Variants in SMYD3 observed in about 807,000 individuals in gnomAD.
SMYD3 encodes the protein SET and MYND domain containing 3, also known as histone-lysine N-methyltransferase SMYD3.
SMYD3 carries 36 observed loss-of-function variants against 57.7 expected under a neutral mutation model. That is an observed-to-expected ratio of 0.62 (90% CI 0.48 to 0.82). The LOEUF (loss-of-function observed/expected upper bound fraction) is 0.82, where lower values mean the gene tolerates loss of function less well. Ranked by LOEUF, SMYD3 falls within the 40% of genes least tolerant of loss-of-function variation. The pLI, the probability that SMYD3 is intolerant of heterozygous loss-of-function variation, is 0.00. For missense variants in SMYD3, 515 were observed against 538.8 expected (o/e 0.96, Z 0.44); for synonymous variants, 211 against 195.0 (o/e 1.08, Z -0.68).
intron 5 of SMYD3, among the ~76,000 whole-genome samples, chr1:246,158,616 T>C (rs2062062804): frequency 6.6e-6 from 1 of 152,180 alleles, no homozygotes; most frequent in African/African-American, 2.4e-5. Context: ...AGAAGGTGCT[T>C]AGAATTCCTA....
chr1:246,390,849 GCAA>G (rs373260000), intron 1 of SMYD3, among the ~76,000 whole-genome samples: 12 of 151,894 alleles, frequency 7.9e-5, no homozygotes, highest in Admixed American at 2.0e-4. Context: ...CAGCACTAGA[GCAA>G]CAACAACAAC....
At chr1:246,135,226 G>A (rs2061649447) in intron 5 of SMYD3, among the ~76,000 whole-genome samples, 1 of 152,070 alleles carries the variant, frequency 6.6e-6, no homozygotes, top group African/African-American at 2.4e-5. Context: ...ACTCCTCTGT[G>A]AATGGTTTAG....
chr1:246,314,043 A>G (rs1480225370), intron 5 of SMYD3, among the ~76,000 whole-genome samples: 1 of 152,216 alleles, frequency 6.6e-6, no homozygotes, highest in Non-Finnish European at 1.5e-5. Context: ...AGTTGTGGCA[A>G]CATCAGCACA....
At position 246,249,523 on chromosome 1, in the gene SMYD3, T is replaced by G. The variant is rs563844631; in HGVS notation, c.531+77678A>C. On this transcript the variant is annotated intron_variant, in intron 5 of 11. Coordinates refer to ENST00000490107, the MANE Select transcript of SMYD3 (RefSeq NM_001167740.2). ...CCAGTATGGATCCTAGTTTTTTGTT[T>G]TTTTTGTATTTTTTTTTGTAATTTC... Among the ~76,000 whole-genome samples, 274 of 136,506 alleles carry G rather than the reference T, an allele frequency of 2.0e-3. 1 individual carries two copies. The highest frequency in any genetic ancestry group is 6.6e-3 in the African/African-American group (261 of 39,262). The allele number at this position is 136,506 out of a possible 152,430, so 89.6% of individuals were successfully genotyped here. A position where few individuals can be genotyped will look rare whatever the true frequency, so the allele number is the denominator to read the frequency against.
intron 1 of SMYD3, among the ~76,000 whole-genome samples, chr1:246,413,235 T>C (rs953623732): frequency 1.3e-5 from 2 of 152,130 alleles, no homozygotes; most frequent in African/African-American, 2.4e-5. Context: ...AATGAGAAAA[T>C]TGGGCACAGA....
intron 5 of SMYD3, among the ~76,000 whole-genome samples, chr1:245,992,524 G>A (rs534903481): frequency 9.2e-4 from 139 of 151,892 alleles, no homozygotes; most frequent in African/African-American, 3.1e-3. Flanking sequence ...GCCATGGATC[G>A]GCCACTTCTA....
At chr1:246,080,266 G>T (rs12064108) in intron 5 of SMYD3, among the ~76,000 whole-genome samples, 179 of 130,268 alleles carry the variant, frequency 1.4e-3, no homozygotes, top group African/African-American at 2.7e-3. Context: ...GGAGCTCAGA[G>T]CAGTGGCAGC....
chr1:246,479,661 C>G (rs894092319), intron 1 of SMYD3, among the ~76,000 whole-genome samples: 2 of 151,976 alleles, frequency 1.3e-5, no homozygotes, highest in South Asian at 4.2e-4. Context: ...GTGTGTGCCA[C>G]CACACTCAGC....
intron 8 of SMYD3, among the ~76,000 whole-genome samples, chr1:245,873,110 C>T (rs1391227747): frequency 6.6e-6 from 1 of 152,194 alleles, no homozygotes; most frequent in Non-Finnish European, 1.5e-5. Context: ...AAAAATGAGC[C>T]TTCTGTAGAA....
intron 2 of SMYD3, among the ~76,000 whole-genome samples, chr1:246,337,587 C>T (rs1328406842): frequency 2.6e-5 from 4 of 152,082 alleles, no homozygotes; most frequent in African/African-American, 7.2e-5. Context: ...ATGGACAGAG[C>T]GTGTAGGCAG....
At chr1:246,098,289 C>A (rs985961234) in intron 5 of SMYD3, among the ~76,000 whole-genome samples, 13 of 152,102 alleles carry the variant, frequency 8.5e-5, no homozygotes, top group African/African-American at 3.1e-4. Context: ...ATATTCGGTC[C>A]CTGTCAATCT....
intron 5 of SMYD3, among the ~76,000 whole-genome samples, chr1:246,147,293 C>T (rs1471457914): frequency 1.3e-5 from 2 of 152,164 alleles, no homozygotes; most frequent in African/African-American, 2.4e-5. Flanking sequence ...TGGAGAAAGG[C>T]CACACCTCCG....
rs1388847083 is a variant in SMYD3 at position 246,202,528 on chromosome 1, CAG to C, written c.531+124671_531+124672del. ...TTCCCCCTTTCCTCAGAGGCTTTTC[CAG>C]AGACTTCTCCCTTTCCTCAGTTCCC... On this transcript the variant is annotated intron_variant, in intron 5 of 11. Transcript: ENST00000490107. The surrounding 1 kb of genome is among the most constrained non-coding windows in gnomAD (Gnocchi z 4.1). Among the ~76,000 whole-genome samples the C allele has an allele frequency of 6.6e-6, 1 of 152,164 alleles. No homozygotes were observed. The highest frequency in any genetic ancestry group is 1.5e-5 in the Non-Finnish European group (1 of 68,034).
At chr1:246,175,737 G>C (rs2062422001) in intron 5 of SMYD3, among the ~76,000 whole-genome samples, 1 of 152,110 alleles carries the variant, frequency 6.6e-6, no homozygotes, top group Non-Finnish European at 1.5e-5. Flanking sequence ...GGAAAATAGA[G>C]GGTAATTTAC....
chr1:246,374,666 T>C (rs1489746713), intron 1 of SMYD3, among the ~76,000 whole-genome samples: 4 of 152,134 alleles, frequency 2.6e-5, no homozygotes, highest in African/African-American at 9.7e-5. Flanking sequence ...TGTTAATGAA[T>C]CAACAATATA....
At chr1:246,165,941 G>C (rs1021072293) in intron 5 of SMYD3, among the ~76,000 whole-genome samples, 1 of 152,022 alleles carries the variant, frequency 6.6e-6, no homozygotes, top group East Asian at 1.9e-4. Flanking sequence ...AGTAACCTAA[G>C]AGGGCTGTCT....
rs571238556 is a variant in SMYD3 at position 246,041,797 on chromosome 1, A to G, written c.532-111860T>C. On this transcript the variant is annotated intron_variant, in intron 5 of 11. Transcript: ENST00000490107. ...CAGAGTTATACCTAGCTCAATCTAG[A>G]TGGTATGTAATCTTTATTGGGAAAA... is the stretch of plus-strand genomic sequence containing the variant. Among the ~76,000 whole-genome samples, 4 of 151,650 alleles carry G rather than the reference A, an allele frequency of 2.6e-5. No individual in the cohort carries two copies. The East Asian group carries it at 7.7e-4, about 29-fold the overall frequency.
chr1:246,080,373 G>A (rs956374545), intron 5 of SMYD3, among the ~76,000 whole-genome samples: 2 of 152,144 alleles, frequency 1.3e-5, no homozygotes, highest in African/African-American at 4.8e-5. Context: ...ATTGTGAACT[G>A]GGCATGTGAG....
chr1:246,028,427 C>G (rs1396164915), intron 5 of SMYD3, among the ~76,000 whole-genome samples: 1 of 152,080 alleles, frequency 6.6e-6, no homozygotes, highest in Non-Finnish European at 1.5e-5. Context: ...CAAAACTATA[C>G]ATCAATAACG....
Sources: gnomAD v4.1 joint callset for allele counts (sites outside exome capture counted in the v4.1 genomes callset) on GRCh38, gnomAD v4.1.1 for gene constraint, Gnocchi (gnomAD v3.1) non-coding constraint, MANE v1.5 for transcripts, NCBI Gene and HGNC (gene_info 2026-07-23, HGNC 2026-07-21) for gene names.